GPR55: variants seen among roughly 807,000 people sequenced by gnomAD.
GPR55 encodes the protein G-protein coupled receptor 55.
A neutral mutation model predicts 7.9 loss-of-function variants in GPR55; 6 were observed. The observed-to-expected ratio is 0.76, with a 90% CI of 0.41 to 1.49. GPR55 has a LOEUF of 1.49. Ranked by LOEUF, GPR55 falls within the 40% of genes most tolerant of loss-of-function variation. GPR55 has a pLI of 0.01. For synonymous variants in GPR55, 183 were observed against 166.8 expected (o/e 1.10, Z -0.75); for missense variants, 376 against 406.0 (o/e 0.93, Z 0.63).
At position 230,924,277 on chromosome 2, in the gene GPR55, C is replaced by T. The variant is rs990007282; in HGVS notation, c.-135+891G>A. Among the ~76,000 whole-genome samples the T allele has an allele frequency of 1.3e-5, 2 of 152,224 alleles. No individual in the cohort carries two copies. Among genetic ancestry groups the T allele is most frequent in the African/African-American group, 4.8e-5 (2 of 41,458 alleles). On this transcript the variant is annotated intron_variant, in intron 1 of 1. Transcript: ENST00000650999. The surrounding 1 kb of genome is among the most constrained non-coding windows in gnomAD (Gnocchi z 4.5). ...GCTCCCTTTACAGCTGGGACAGCCG[C>T]TCAGAACCAAAGGCAAACCTTGCCT...
intron 1 of GPR55, among the ~76,000 whole-genome samples, chr2:230,940,686 C>T (rs751193946): frequency 6.6e-6 from 1 of 152,164 alleles, no homozygotes; most frequent in Non-Finnish European, 1.5e-5. Context: ...GCTGGGTGGC[C>T]GCCTCGCCCC....
At position 230,910,146 on chromosome 2, in the gene GPR55, A is replaced by G; in HGVS notation, c.817T>C (p.Ser273Pro). The change falls in exon 2 of 2, where the codon TCC (serine) becomes CCC (proline). Residue 273 changes from serine (S) to proline (P), a missense_variant. Coordinates refer to ENST00000650999, the MANE Select transcript of GPR55 (RefSeq NM_005683.4). This position sits in a 1 kb window ranked among gnomAD's most constrained non-coding sequence, Gnocchi z 5.4. ...CAGTTGACGTTGGAGAAACACATGG[A>G]CAATTGCAAGAAGAAGCTGATGCTC... ...KQSISFFLQL[S>P]MCFSNVNCCL... 6.2e-7 allele frequency: 1 copy of G among 1,614,184 alleles called. No homozygotes were observed. The highest frequency in any genetic ancestry group is 8.5e-7 in the Non-Finnish European group (1 of 1,180,014).
At position 230,909,741 on chromosome 2, in the gene GPR55, T is replaced by G; in HGVS notation, c.*262A>C. On this transcript the variant is annotated 3_prime_UTR_variant, in exon 2 of 2. Coordinates refer to ENST00000650999, the MANE Select transcript of GPR55 (RefSeq NM_005683.4). ...CTTTCTCAATTCTTCTGCTCTATAG[T>G]TTTTGGACTTAGAAATCAGTAATTC... 1 of 435,940 alleles carries G rather than the reference T, an allele frequency of 2.3e-6. No homozygotes were observed. Among genetic ancestry groups the G allele is most frequent in the Non-Finnish European group, 4.1e-6 (1 of 242,168 alleles). The allele number at this position is 435,940 out of a possible 1,614,324, so 27.0% of individuals were successfully genotyped here.
chr2:230,940,471 A>C (rs1275119693), intron 1 of GPR55, among the ~76,000 whole-genome samples: 1 of 152,192 alleles, frequency 6.6e-6, no homozygotes, highest in Non-Finnish European at 1.5e-5. Context: ...GTCCTGCAGG[A>C]AGGCGCTTAT....
chr2:230,933,162 C>CCATCTCTCACTGGCTGCCCA (rs1445650050), intron 1 of GPR55, among the ~76,000 whole-genome samples: 14 of 152,208 alleles, frequency 9.2e-5, no homozygotes, highest in South Asian at 2.1e-4. Flanking sequence ...TAGCCAAGCC[C>CCATCTCTCACTGGCTGCCCA]CTGAAGTCCC....
At chr2:230,933,217 C>T (rs569465410) in intron 1 of GPR55, among the ~76,000 whole-genome samples, 2 of 70,386 alleles carry the variant, frequency 2.8e-5, no homozygotes, top group East Asian at 5.6e-4. Flanking sequence ...CTCTGCCTGG[C>T]CTGCCTCTCT....
At chr2:230,911,781 C>T (rs914189657) in intron 1 of GPR55, among the ~76,000 whole-genome samples, 1 of 152,094 alleles carries the variant, frequency 6.6e-6, no homozygotes, top group Non-Finnish European at 1.5e-5. Flanking sequence ...CCTGAGGTCT[C>T]CACAGGGCAA....
At chr2:230,959,203 TGGGAGGCCAAG>T (rs1691532946) in intron 1 of GPR55, among the ~76,000 whole-genome samples, 1 of 152,204 alleles carries the variant, frequency 6.6e-6, no homozygotes, top group Non-Finnish European at 1.5e-5. Flanking sequence ...CCCAGCACTT[TGGGAGGCCAAG>T]GTGGGCAGAT....
At chr2:230,921,842 T>C (rs1690844866) in intron 1 of GPR55, among the ~76,000 whole-genome samples, 2 of 152,122 alleles carry the variant, frequency 1.3e-5, no homozygotes, top group Admixed American at 1.3e-4. Flanking sequence ...TGGGAGAAGA[T>C]GCAGAAAGGC....
intron 1 of GPR55, among the ~76,000 whole-genome samples, chr2:230,960,341 T>A (rs75456228): frequency 6.6e-6 from 1 of 152,208 alleles, no homozygotes; most frequent in Non-Finnish European, 1.5e-5. Context: ...GAAGGTAAGA[T>A]ACAGAAGTTA....
intron 1 of GPR55, among the ~76,000 whole-genome samples, chr2:230,945,262 G>A (rs1352353941): frequency 2.0e-5 from 3 of 152,180 alleles, no homozygotes; most frequent in Admixed American, 2.0e-4. Flanking sequence ...GGTGGAAAGA[G>A]GCTGAGAGAG....
chr2:230,927,778 C>G (rs1026392014), upstream of GPR55, among the ~76,000 whole-genome samples: 1 of 152,246 alleles, frequency 6.6e-6, no homozygotes, highest in Non-Finnish European at 1.5e-5. Context: ...TCCAGGATAG[C>G]TGGGCGCTCA....
intron 1 of GPR55, among the ~76,000 whole-genome samples, chr2:230,935,359 C>T (rs982796661): frequency 5.3e-5 from 8 of 152,292 alleles, no homozygotes; most frequent in African/African-American, 7.2e-5. Context: ...CGAAGGCTGA[C>T]GGGCTCCATG....
rs372743996 is a variant in GPR55, at chr2:230,910,055, C to T, written c.908G>A (p.Arg303Gln). ...CAGGACCAGCTGGACCCTGGAAGGC[C>T]GGTGGGCCCTGATGTTCATGCGGAA... ...KEFRMNIRAH[R>Q]PSRVQLVLQD... Residue 303 changes from arginine to glutamine, a missense_variant, in exon 2 of 2, where the codon CGG becomes CAG. Transcript: ENST00000650999. This position sits in a 1 kb window ranked among gnomAD's most constrained non-coding sequence, Gnocchi z 5.4. The T allele has an allele frequency of 3.0e-5, 49 of 1,614,090 alleles. No individual in the cohort carries two copies. The East Asian group carries it at 6.5e-4, about 21-fold the overall frequency.
At chr2:230,915,950 G>A (rs1457760248) in intron 1 of GPR55, among the ~76,000 whole-genome samples, 2 of 152,012 alleles carry the variant, frequency 1.3e-5, no homozygotes, top group Non-Finnish European at 2.9e-5. Context: ...TAAGAAGAGT[G>A]CAAGGATGAA....
At chr2:230,954,066 C>T (rs935708929) in intron 1 of GPR55, among the ~76,000 whole-genome samples, 3 of 152,248 alleles carry the variant, frequency 2.0e-5, no homozygotes, top group African/African-American at 7.2e-5. Flanking sequence ...ATCAACGGAC[C>T]TTGTCTTGCC....
chr2:230,952,217 C>T (rs75051672), intron 1 of GPR55, among the ~76,000 whole-genome samples: 1,833 of 152,310 alleles, frequency 0.012, 20 homozygotes, highest in Middle Eastern at 0.02. Flanking sequence ...TGAGGGCGGG[C>T]GCAGCTTGTG....
In GPR55 at chr2:230,955,734, T is replaced by C. The variant is rs557568019; in HGVS notation, c.-135+5041A>G. 2.3e-5 allele frequency among the ~76,000 whole-genome samples: 3 copies of C among 129,738 alleles called. No individual in the cohort carries two copies. The South Asian group carries it at 7.2e-4, about 31-fold the overall frequency. The allele number at this position is 129,738 out of a possible 152,430, so 85.1% of individuals were successfully genotyped here. ...CTTTTTGTTTTGTTTTGTTTTGTTT[T>C]GTTTGAGACGGGGTCTCATTCCATT... On this transcript the variant is annotated intron_variant, in intron 1 of 1. Transcript: ENST00000392039.
In GPR55 at chr2:230,923,112, C is replaced by T. The variant is rs1385853980; in HGVS notation, c.-135+2056G>A. Among the ~76,000 whole-genome samples the T allele has an allele frequency of 4.6e-5, 7 of 152,222 alleles. No homozygotes were observed. Among genetic ancestry groups the T allele is most frequent in the African/African-American group, 7.2e-5 (3 of 41,442 alleles). ...CCCACACCCTCAAGGATCCAGTGTC[C>T]CACTTGCGGCAGCCCTGTGGCTTTG... On this transcript the variant is annotated intron_variant, in intron 1 of 1. Coordinates refer to ENST00000650999, the MANE Select transcript of GPR55 (RefSeq NM_005683.4). This position sits in a 1 kb window ranked among gnomAD's most constrained non-coding sequence, Gnocchi z 4.1.
Sources: allele counts gnomAD v4.1 joint callset (sites outside exome capture counted in the v4.1 genomes callset), GRCh38; gene constraint gnomAD v4.1.1; non-coding constraint Gnocchi (gnomAD v3.1); transcripts MANE v1.5; gene names NCBI Gene and HGNC (gene_info 2026-07-23, HGNC 2026-07-21).